The following PPM1F variants were observed in gnomAD, a reference collection of about 807,000 sequenced individuals.
The protein encoded by PPM1F is protein phosphatase 1F.
In PPM1F, 17 loss-of-function variants were observed where a neutral mutation model predicts 35.5. That is an observed-to-expected ratio of 0.48 (90% CI 0.33 to 0.72). The LOEUF (loss-of-function observed/expected upper bound fraction) is 0.72, where lower values mean the gene tolerates loss of function less well. PPM1F is among the 30% of genes least tolerant of loss of function. The pLI, the probability that PPM1F is intolerant of heterozygous loss-of-function variation, is 0.02. For synonymous variants in PPM1F, 241 were observed against 255.5 expected, an observed-to-expected ratio of 0.94 and a Z score of 0.54; for missense variants, 521 against 613.0, an observed-to-expected ratio of 0.85 and a Z score of 1.59.
At position 21,919,549 on chromosome 22, in the gene PPM1F, C is replaced by T. The variant is rs933556811; in HGVS notation, c.*3543G>A. ...CATCCTGTCCTGGAGCAAAGCTCCCCCTTGCACAGGAACACAACTCCCATG... is the reference window on the plus strand; with the variant it reads ...CATCCTGTCCTGGAGCAAAGCTCCCTCTTGCACAGGAACACAACTCCCATG... On this transcript the variant is annotated 3_prime_UTR_variant, in exon 8 of 8. Coordinates refer to ENST00000263212, the MANE Select transcript of PPM1F (RefSeq NM_014634.4). 2 of 152,608 alleles carry T rather than the reference C, an allele frequency of 1.3e-5. No individual in the cohort carries two copies. Among genetic ancestry groups the T allele is most frequent in the Non-Finnish European group, 2.9e-5 (2 of 68,048 alleles). 9.5% of individuals were successfully genotyped at this position (152,608 alleles called of 1,614,324 possible).
chr22:21,939,412 C>T lies in PPM1F; in HGVS notation c.355+120G>A, dbSNP rs746120190. On this transcript the variant is annotated intron_variant, in intron 3 of 7. Coordinates refer to ENST00000263212, the MANE Select transcript of PPM1F (RefSeq NM_014634.4). The surrounding 1 kb of genome is among the most constrained non-coding windows in gnomAD (Gnocchi z 5.1). Reference sequence around the variant, plus strand: ...CTTCTCTGCTCCTTGATTCTGCTGCCGTTGTGAGCGAGGGCCCCAGCACCC... The same window carrying T: ...CTTCTCTGCTCCTTGATTCTGCTGCTGTTGTGAGCGAGGGCCCCAGCACCC... 33 of 1,325,746 alleles carry T rather than the reference C, an allele frequency of 2.5e-5. No individual in the cohort carries two copies. The highest frequency in any genetic ancestry group is 2.3e-4 in the South Asian group (16 of 69,446). The allele number at this position is 1,325,746 out of a possible 1,614,324, so 82.1% of individuals were successfully genotyped here.
At chr22:21,926,326 G>GT (rs1484487167) in intron 6 of PPM1F, among the ~76,000 whole-genome samples, 1 of 151,972 alleles carries the variant, frequency 6.6e-6, no homozygotes. Flanking sequence ...TGGAGACAGG[G>GT]TTTCTCAAAG....
chr22:21,926,373 C>T (rs536532940), intron 6 of PPM1F, among the ~76,000 whole-genome samples: 29 of 152,166 alleles, frequency 1.9e-4, no homozygotes, highest in Admixed American at 1.8e-3. Flanking sequence ...ACCTCATGAT[C>T]CACCCTCCTC....
Position 21,922,671 on chromosome 22 carries a change from A to C in PPM1F, c.*421T>G, listed in dbSNP as rs1490257741. Reference sequence around the variant, plus strand: ...GAGCAATGGGAAACTGGGGCTGGCCACTCCGCTGCTGGGCCTGACCCAGGG... The same window carrying C: ...GAGCAATGGGAAACTGGGGCTGGCCCCTCCGCTGCTGGGCCTGACCCAGGG... On this transcript the variant is annotated 3_prime_UTR_variant, in exon 8 of 8. Coordinates refer to ENST00000263212, the MANE Select transcript of PPM1F (RefSeq NM_014634.4). 6.1e-6 allele frequency: 1 copy of C among 162,652 alleles called. No homozygotes were observed. Among genetic ancestry groups the C allele is most frequent in the Non-Finnish European group, 1.3e-5 (1 of 75,460 alleles). 10.1% of individuals were successfully genotyped at this position (162,652 alleles called of 1,614,324 possible).
Position 21,922,986 on chromosome 22 carries a change from G to T in PPM1F, c.*106C>A, listed in dbSNP as rs2070464527. On this transcript the variant is annotated 3_prime_UTR_variant, in exon 8 of 8. Transcript: ENST00000263212. ...TCTGGGGTGCTGGGGAAAGCACTGT[G>T]GGGCGGGCACCCTGTCCACTGCCTG... The T allele has an allele frequency of 7.0e-7, 1 of 1,420,752 alleles. No individual in the cohort carries two copies. Among genetic ancestry groups the T allele is most frequent in the Non-Finnish European group, 9.5e-7 (1 of 1,050,864 alleles). 88.0% of individuals were successfully genotyped at this position (1,420,752 alleles called of 1,614,324 possible).
At chr22:21,934,523 A>C in intron 3 of PPM1F, 1 of 375,324 alleles carries the variant, frequency 2.7e-6, no homozygotes, top group Non-Finnish European at 4.8e-6. Context: ...AAAGTACAGA[A>C]TCACTTATAA....
chr22:21,923,741 G>A (rs1051290887), intron 7 of PPM1F, among the ~76,000 whole-genome samples: 12 of 151,938 alleles, frequency 7.9e-5, no homozygotes, highest in Non-Finnish European at 2.9e-5. Context: ...GCAGTGGCGC[G>A]ATCTCAGCTC....
At chr22:21,943,055 A>T (rs998311037) in intron 2 of PPM1F, 2 of 152,274 alleles carry the variant, frequency 1.3e-5, no homozygotes, top group Non-Finnish European at 2.9e-5. Context: ...TCCAAACAAG[A>T]GCGGAGACAA....
chr22:21,951,822 C>A (rs1379676030), intron 1 of PPM1F: 1 of 152,238 alleles, frequency 6.6e-6, no homozygotes, highest in African/African-American at 2.4e-5. Context: ...TAAGGTCTCA[C>A]ACAGGTGAAA....
chr22:21,939,645 T>C lies in PPM1F; in HGVS notation c.242A>G (p.His81Arg), dbSNP rs745634939. Residue 81 changes from histidine to arginine, a missense_variant, in exon 3 of 8, where the codon CAC (histidine) becomes CGC (arginine). His to Arg is a conservative substitution (Grantham distance 29, BLOSUM62 0). This residue lies in a region of PPM1F where 311 missense variants were observed against 351.5 expected (regional missense o/e 0.88). Coordinates refer to ENST00000263212, the MANE Select transcript of PPM1F (RefSeq NM_014634.4). This position sits in a 1 kb window ranked among gnomAD's most constrained non-coding sequence, Gnocchi z 5.1. ...CTGTAGCAGCTGTGAAACTGCTTCG[T>C]GGGCCAGAGCAGCAGCAAGTGGTGG... ...APPPLAAALA[H>R]EAVSQLLQTD... 3 of 1,555,618 alleles carry C rather than the reference T, an allele frequency of 1.9e-6. No homozygotes were observed. The South Asian group carries it at 3.6e-5, about 18-fold the overall frequency.
intron 5 of PPM1F, among the ~76,000 whole-genome samples, chr22:21,931,889 T>C (rs1601781829): frequency 6.6e-6 from 1 of 152,052 alleles, no homozygotes; most frequent in South Asian, 2.1e-4. Context: ...CTCAGCTCAC[T>C]GCAACTTCCA....
chr22:21,923,298 G>T lies in PPM1F; in HGVS notation c.1159C>A (p.Leu387Ile). The T allele has an allele frequency of 6.2e-7, 1 of 1,613,462 alleles. No individual in the cohort carries two copies. ...GCCACCAGCTCCTCGGCGACACGGA[G>T]CCCGCTGCCCTGCTGCCTGGTCAGG... is the stretch of plus-strand genomic sequence containing the variant. ...SHLTRQQGSGLRVAEELVAAA... is the reference protein window; with the variant it reads ...SHLTRQQGSGIRVAEELVAAA... The change falls in exon 8 of 8, where the codon CTC becomes ATC. Residue 387 changes from leucine to isoleucine, a missense_variant. Leu to Ile is a conservative substitution (Grantham distance 5, BLOSUM62 2). Around this residue, in one of 3 missense-constraint regions of PPM1F, gnomAD observed 163 missense variants for 169.6 expected, o/e 0.96. Coordinates refer to ENST00000263212, the MANE Select transcript of PPM1F (RefSeq NM_014634.4).
chr22:21,919,589 C>G lies in PPM1F; in HGVS notation c.*3503G>C, dbSNP rs760094772. The G allele has an allele frequency of 7.9e-5, 12 of 152,608 alleles. 1 individual carries two copies. The highest frequency in any genetic ancestry group is 1.5e-4 in the Non-Finnish European group (10 of 68,074). 9.5% of individuals were successfully genotyped at this position (152,608 alleles called of 1,614,324 possible). On this transcript the variant is annotated 3_prime_UTR_variant, in exon 8 of 8. Coordinates refer to ENST00000263212, the MANE Select transcript of PPM1F (RefSeq NM_014634.4). ...CAACTCCCATGCAGGAGAAGCCCAC[C>G]GAGACGAACGCAGATAAACCCTTCG...
At chr22:21,942,960 A>G (rs2070741021) in intron 2 of PPM1F, 1 of 152,296 alleles carries the variant, frequency 6.6e-6, no homozygotes, top group South Asian at 2.1e-4. Flanking sequence ...AGAGGCTTAT[A>G]GTCTAGTGGC....
At chr22:21,949,887 A>G (rs1430380925) in intron 1 of PPM1F, 1 of 152,270 alleles carries the variant, frequency 6.6e-6, no homozygotes, top group African/African-American at 2.4e-5. Context: ...GAAATGGCAA[A>G]GCAAACTCAT....
chr22:21,923,565 C>T, intron 7 of PPM1F, 94 bp from the exon 8 acceptor site: 1 of 1,376,054 alleles, frequency 7.3e-7, no homozygotes, highest in Non-Finnish European at 9.8e-7. Flanking sequence ...CCTGCAGGGA[C>T]AGAGACCAAC....
intron 7 of PPM1F, among the ~76,000 whole-genome samples, chr22:21,924,571 ACTTT>A (rs1354231854): frequency 1.4e-5 from 2 of 141,352 alleles, no homozygotes; most frequent in African/African-American, 5.3e-5. Flanking sequence ...GCGCCCAGCT[ACTTT>A]TTTTTTTTTT....
chr22:21,934,748 G>C (rs2070638569), intron 3 of PPM1F: 1 of 152,546 alleles, frequency 6.6e-6, no homozygotes, highest in South Asian at 2.0e-4. Flanking sequence ...AGCCAGGCAT[G>C]GTGGCGGGCG....
chr22:21,951,013 CTACA>C (rs1251821052), intron 1 of PPM1F: 2 of 151,920 alleles, frequency 1.3e-5, no homozygotes, highest in African/African-American at 2.4e-5. Context: ...GATTTTTTTT[CTACA>C]TATATAAATT....
Sources: gnomAD v4.1 joint callset for allele counts (sites outside exome capture counted in the v4.1 genomes callset) on GRCh38, gnomAD v4.1.1 for gene constraint, gnomAD v4.1.1 regional missense constraint, Gnocchi (gnomAD v3.1) non-coding constraint, MANE v1.5 for transcripts, NCBI Gene and HGNC (gene_info 2026-07-23, HGNC 2026-07-21) for gene names.